The following ATRNL1 variants were observed in gnomAD, a reference collection of about 807,000 sequenced individuals.
The protein encoded by ATRNL1 is attractin-like protein 1.
Under a neutral mutation model 182.7 loss-of-function variants are expected in ATRNL1, and 95 were observed. The ratio of observed to expected loss-of-function variants is 0.52; its 90% CI spans 0.44 to 0.62. ATRNL1 has a LOEUF of 0.62. Among genes scored for constraint, ATRNL1 ranks in the 20% least tolerant of loss-of-function variants. ATRNL1 has a pLI of 0.00. For synonymous variants in ATRNL1, 576 were observed against 568.3 expected (o/e 1.01, Z -0.19); for missense variants, 1,471 against 1,679.5 (o/e 0.88, Z 2.17).
intron 28 of ATRNL1, among the ~76,000 whole-genome samples, chr10:115,932,702 T>C (rs1166564012): frequency 6.6e-6 from 1 of 152,212 alleles, no homozygotes; most frequent in Non-Finnish European, 1.5e-5. Context: ...TTTCTATTTA[T>C]TTTAATGCCA....
chr10:115,100,288 A>G (rs1237156357), intron 1 of ATRNL1, among the ~76,000 whole-genome samples: 2 of 151,978 alleles, frequency 1.3e-5, no homozygotes, highest in Non-Finnish European at 2.9e-5. Flanking sequence ...ACACAGCAAG[A>G]CCATGTCTTT....
intron 27 of ATRNL1, among the ~76,000 whole-genome samples, chr10:115,806,238 A>G (rs1555085630): frequency 6.6e-6 from 1 of 152,146 alleles, no homozygotes; most frequent in Non-Finnish European, 1.5e-5. Flanking sequence ...AATTTCTTTA[A>G]GGAAAGATGT....
intron 18 of ATRNL1, among the ~76,000 whole-genome samples, chr10:115,332,454 C>T (rs1855272566): frequency 6.6e-6 from 1 of 152,212 alleles, no homozygotes; most frequent in Non-Finnish European, 1.5e-5. Flanking sequence ...TTGAATTTAA[C>T]ATTGCCATCT....
rs1162576615 is a variant in ATRNL1 at position 115,871,469 on chromosome 10, T to TTATATATATATA, written c.4018+23479_4018+23480insATATATATATAT. On this transcript the variant is annotated intron_variant, in intron 28 of 28. Coordinates refer to ENST00000355044, the MANE Select transcript of ATRNL1 (RefSeq NM_207303.4). ...TCCTAGAAAGGCCTGGTCAGATTCT[T>TTATATATATATA]TGTGTGTGTGTATATATATATATAT... Among the ~76,000 whole-genome samples the TTATATATATATA allele has an allele frequency of 2.0e-3, 280 of 140,268 alleles. 5 individuals are homozygous for TTATATATATATA. Among genetic ancestry groups the TTATATATATATA allele is most frequent in the African/African-American group, 6.6e-3 (251 of 37,810 alleles). The allele number at this position is 140,268 out of a possible 152,430, so 92.0% of individuals were successfully genotyped here.
At chr10:115,939,893 A>G (rs1414722185) in intron 28 of ATRNL1, among the ~76,000 whole-genome samples, 1 of 152,184 alleles carries the variant, frequency 6.6e-6, no homozygotes, top group Non-Finnish European at 1.5e-5. Flanking sequence ...TGTGCCAAAA[A>G]TGGCAACACA....
chr10:115,593,858 T>A (rs994937880), intron 26 of ATRNL1, among the ~76,000 whole-genome samples: 3 of 152,166 alleles, frequency 2.0e-5, no homozygotes, highest in Non-Finnish European at 4.4e-5. Context: ...TATCCTGTTT[T>A]AAAATGAAAA....
intron 25 of ATRNL1, among the ~76,000 whole-genome samples, chr10:115,534,922 T>C (rs1235759886): frequency 6.6e-6 from 1 of 152,236 alleles, no homozygotes; most frequent in Non-Finnish European, 1.5e-5. Flanking sequence ...TTTAAGAATG[T>C]TGTCCTATTG....
intron 25 of ATRNL1, among the ~76,000 whole-genome samples, chr10:115,532,873 A>C (rs566297456): frequency 6.6e-6 from 1 of 152,140 alleles, no homozygotes; most frequent in South Asian, 2.1e-4. Context: ...TGATATAATC[A>C]TGTGGTTTTT....
intron 24 of ATRNL1, among the ~76,000 whole-genome samples, chr10:115,508,887 A>G (rs1554981952): frequency 1.3e-5 from 2 of 152,100 alleles, no homozygotes; most frequent in Admixed American, 6.6e-5. Flanking sequence ...TTCTCAATGT[A>G]TATGAAACAG....
intron 27 of ATRNL1, among the ~76,000 whole-genome samples, chr10:115,844,914 A>G (rs1950893815): frequency 6.6e-6 from 1 of 152,100 alleles, no homozygotes; most frequent in African/African-American, 2.4e-5. Flanking sequence ...AGTTATCACG[A>G]AACAACTGCC....
chr10:115,208,261 T>A (rs1848879948), intron 8 of ATRNL1, among the ~76,000 whole-genome samples: 1 of 152,122 alleles, frequency 6.6e-6, no homozygotes, highest in Admixed American at 6.6e-5. Flanking sequence ...TTTCCAATCA[T>A]TTTTTAAAAC....
At chr10:115,867,830 C>T (rs1474093615) in intron 28 of ATRNL1, among the ~76,000 whole-genome samples, 3 of 151,818 alleles carry the variant, frequency 2.0e-5, no homozygotes, top group Non-Finnish European at 2.9e-5. Flanking sequence ...CTCCACCTCC[C>T]GGTTCAAGTG....
At chr10:115,604,415 G>T (rs975256197) in intron 26 of ATRNL1, among the ~76,000 whole-genome samples, 1 of 152,086 alleles carries the variant, frequency 6.6e-6, no homozygotes, top group Non-Finnish European at 1.5e-5. Context: ...CTCCACTCTA[G>T]CTGGTTGGAG....
intron 8 of ATRNL1, among the ~76,000 whole-genome samples, chr10:115,213,963 A>G (rs1333141993): frequency 2.0e-5 from 3 of 151,952 alleles, no homozygotes; most frequent in Non-Finnish European, 4.4e-5. Flanking sequence ...AAAGTAATAA[A>G]TGGGACACAG....
intron 21 of ATRNL1, among the ~76,000 whole-genome samples, chr10:115,428,701 T>G (rs1846015565): frequency 6.6e-6 from 1 of 152,094 alleles, no homozygotes; most frequent in South Asian, 2.1e-4. Flanking sequence ...TAATGAACGG[T>G]ATACAGTATA....
chr10:115,492,506 C>A (rs1671574512), intron 24 of ATRNL1, among the ~76,000 whole-genome samples: 1 of 149,088 alleles, frequency 6.7e-6, no homozygotes, highest in Admixed American at 6.7e-5. Context: ...TTTGAGGTTC[C>A]TTTTATCATT....
intron 26 of ATRNL1, among the ~76,000 whole-genome samples, chr10:115,683,045 T>C (rs1946101354): frequency 6.6e-6 from 1 of 152,078 alleles, no homozygotes; most frequent in South Asian, 2.1e-4. Context: ...CATAAGGCTA[T>C]TATTAAGTAC....
intron 25 of ATRNL1, among the ~76,000 whole-genome samples, chr10:115,524,558 A>G (rs1851114374): frequency 6.6e-6 from 1 of 152,186 alleles, no homozygotes; most frequent in South Asian, 2.1e-4. Context: ...AATTTTCTAT[A>G]TCATTGGATG....
chr10:115,113,171 T>C (rs782124030), intron 1 of ATRNL1, among the ~76,000 whole-genome samples: 69 of 152,344 alleles, frequency 4.5e-4, no homozygotes, highest in Middle Eastern at 3.4e-3. Flanking sequence ...AAAGGCATTT[T>C]CCTTGTTGAC....
Sources: allele counts gnomAD v4.1 joint callset (sites outside exome capture counted in the v4.1 genomes callset), GRCh38; gene constraint gnomAD v4.1.1; transcripts MANE v1.5; gene names NCBI Gene and HGNC (gene_info 2026-07-23, HGNC 2026-07-21).